SPA17: variants seen among roughly 807,000 people sequenced by gnomAD.
The protein encoded by SPA17 is sperm autoantigenic protein 17, also known as sperm surface protein Sp17.
In SPA17, 7 loss-of-function variants were observed where a neutral mutation model predicts 13.8. The observed-to-expected ratio is 0.51, with a 90% confidence interval of 0.29 to 0.95. SPA17 has a LOEUF of 0.95. SPA17 is among the 40% of genes least tolerant of loss of function. The pLI is 0.08. For synonymous variants in SPA17, 61 were observed against 59.0 expected, an observed-to-expected ratio of 1.03 and a Z score of -0.16; for missense variants, 170 against 179.3, an observed-to-expected ratio of 0.95 and a Z score of 0.30.
At chr11:124,674,899 T>G (rs1943439503) in intron 1 of SPA17, 1 of 157,666 alleles carries the variant, frequency 6.3e-6, no homozygotes, top group Non-Finnish European at 1.4e-5. Flanking sequence ...TTTAACTTTT[T>G]AGCAATCATT....
intron 2 of SPA17, 149 bp downstream of exon 2, chr11:124,675,567 G>A: frequency 1.4e-6 from 1 of 739,450 alleles, no homozygotes. Context: ...GAAACAGTAT[G>A]TACCTCTTTG....
At chr11:124,679,673 C>T (rs1282237652) in intron 2 of SPA17, among the ~76,000 whole-genome samples, 4 of 152,082 alleles carry the variant, frequency 2.6e-5, no homozygotes, top group Non-Finnish European at 4.4e-5. Flanking sequence ...AATACCATTC[C>T]CAGGAATGAG....
chr11:124,683,249 A>T (rs1038067904), intron 3 of SPA17, among the ~76,000 whole-genome samples: 1 of 152,218 alleles, frequency 6.6e-6, no homozygotes, highest in Non-Finnish European at 1.5e-5. Flanking sequence ...CTAAACTTGG[A>T]AGCAAAAAAA....
rs1943659641 is a variant in SPA17, at chr11:124,695,180, T to C, written c.*734T>C. The C allele has an allele frequency of 6.6e-6, 1 of 152,270 alleles. No homozygotes were observed. Among genetic ancestry groups the C allele is most frequent in the Non-Finnish European group, 1.5e-5 (1 of 68,074 alleles). 9.4% of individuals were successfully genotyped at this position (152,270 alleles called of 1,614,324 possible). A position where few individuals can be genotyped will look rare whatever the true frequency, so the allele number is the denominator to read the frequency against. ...CCCACTGGTTTTCATTTATCATACA[T>C]GTATTCAATCATTTATTGAAAATGT... is the stretch of plus-strand genomic sequence containing the variant. On this transcript the variant is annotated 3_prime_UTR_variant, in exon 5 of 5. Coordinates refer to ENST00000227135, the MANE Select transcript of SPA17 (RefSeq NM_017425.4).
rs191029144 is a variant in SPA17, at chr11:124,675,337, C to G, written c.73C>G (p.Arg25Gly). Residue 25 changes from arginine (R) to glycine (G), a missense_variant, in exon 2 of 5, where the codon CGC becomes GGC. Arg to Gly is a moderately radical substitution (Grantham distance 125, BLOSUM62 -2). Coordinates refer to ENST00000227135, the MANE Select transcript of SPA17 (RefSeq NM_017425.4). ...TGGGAATCTTCTTGAAGGGCTGACA[C>G]GCGAGATTCTGAGAGAGCAACCGGA... ...GFGNLLEGLT[R>G]EILREQPDNI... 9 of 1,614,170 alleles carry G rather than the reference C, an allele frequency of 5.6e-6. No homozygotes were observed. In the South Asian group the frequency reaches 9.9e-5, roughly 18 times the overall value.
intron 4 of SPA17, 130 bp downstream of exon 4, chr11:124,691,912 A>C (rs1221659280): frequency 1.9e-6 from 1 of 513,292 alleles, no homozygotes; most frequent in Non-Finnish European, 3.3e-6. Flanking sequence ...CCAGATAATT[A>C]ACATCAGTGA....
intron 3 of SPA17, among the ~76,000 whole-genome samples, chr11:124,682,562 C>T (rs1943538560): frequency 6.6e-6 from 1 of 151,834 alleles, no homozygotes. Flanking sequence ...AAAACCCTAA[C>T]ATAAATTCTG....
At chr11:124,675,503 C>T in intron 2 of SPA17, 85 bp downstream of exon 2, 2 of 1,449,018 alleles carry the variant, frequency 1.4e-6, no homozygotes, top group Non-Finnish European at 1.9e-6. Context: ...CATCTCCATT[C>T]TGCAGAAAGC....
chr11:124,681,792 A>C (rs1356741849), intron 3 of SPA17, among the ~76,000 whole-genome samples: 1 of 152,134 alleles, frequency 6.6e-6, no homozygotes, highest in Non-Finnish European at 1.5e-5. Context: ...GGTGCTTAAA[A>C]GTTATGAATA....
Position 124,673,905 on chromosome 11 carries a change from A to C in SPA17, c.-75A>C. 3.3e-6 allele frequency: 2 copies of C among 610,468 alleles called. No homozygotes were observed. Among genetic ancestry groups the C allele is most frequent in the East Asian group, 2.8e-5 (1 of 35,686 alleles). 37.8% of individuals were successfully genotyped at this position (610,468 alleles called of 1,614,324 possible). A position where few individuals can be genotyped will look rare whatever the true frequency, so the allele number is the denominator to read the frequency against. ...TTAAAGAAAAAACGGTTACCCAGCAACTAGAAAAACAACCGGAACCGGCGG... is the reference window on the plus strand; with the variant it reads ...TTAAAGAAAAAACGGTTACCCAGCACCTAGAAAAACAACCGGAACCGGCGG... On this transcript the variant is annotated 5_prime_UTR_variant, in exon 1 of 5. Coordinates refer to ENST00000227135, the MANE Select transcript of SPA17 (RefSeq NM_017425.4).
intron 3 of SPA17, among the ~76,000 whole-genome samples, chr11:124,686,695 G>C (rs889641967): frequency 6.6e-6 from 1 of 151,616 alleles, no homozygotes; most frequent in Non-Finnish European, 1.5e-5. Context: ...CTGAATGTCT[G>C]TTGGATCAAA....
At chr11:124,688,640 T>C (rs922213168) in intron 3 of SPA17, among the ~76,000 whole-genome samples, 1 of 152,194 alleles carries the variant, frequency 6.6e-6, no homozygotes, top group Non-Finnish European at 1.5e-5. Flanking sequence ...ATTAATATCT[T>C]TAAAATGACC....
intron 4 of SPA17, 78 bp downstream of exon 4, chr11:124,691,860 G>T: frequency 2.4e-6 from 2 of 843,946 alleles, no homozygotes; most frequent in South Asian, 4.3e-5. Context: ...CTCCAAATAT[G>T]AATGTCTGTT....
At chr11:124,674,459 C>G (rs1565421476) in intron 1 of SPA17, 1 of 152,528 alleles carries the variant, frequency 6.6e-6, no homozygotes, top group South Asian at 2.1e-4. Context: ...CGCCTCTATT[C>G]CGCATTGACG....
intron 2 of SPA17, among the ~76,000 whole-genome samples, chr11:124,677,608 A>G (rs1334278936): frequency 1.3e-5 from 2 of 152,212 alleles, no homozygotes; most frequent in Admixed American, 6.5e-5. Context: ...TAATTGCTTC[A>G]AAAATTCGGA....
At position 124,675,294 on chromosome 11, in the gene SPA17, C is replaced by T; in HGVS notation, c.30C>T (p.Tyr10=). MSIPFSNTH[Y]RIPQGFGNLL... ...CGATTCCATTCTCCAACACCCACTA[C>T]CGAATTCCACAAGGATTTGGGAATC... Residue 10 remains tyrosine, a synonymous_variant, in exon 2 of 5, where the codon TAC becomes TAT. Transcript: ENST00000227135. The T allele has an allele frequency of 5.0e-6, 8 of 1,614,066 alleles. No homozygotes were observed. The highest frequency in any genetic ancestry group is 6.8e-6 in the Non-Finnish European group (8 of 1,179,994).
chr11:124,692,017 T>G (rs776974799), intron 4 of SPA17, among the ~76,000 whole-genome samples: 1 of 152,168 alleles, frequency 6.6e-6, no homozygotes, highest in Non-Finnish European at 1.5e-5. Context: ...AGATTGTTAA[T>G]GGATGGAAAA....
intron 3 of SPA17, among the ~76,000 whole-genome samples, chr11:124,682,983 A>G (rs1211408614): frequency 6.6e-6 from 1 of 152,152 alleles, no homozygotes; most frequent in Non-Finnish European, 1.5e-5. Context: ...AAACAGCAAG[A>G]TGAGAACATC....
intron 2 of SPA17, 25 bp downstream of exon 2, chr11:124,675,443 T>G (rs761641749): frequency 1.9e-6 from 3 of 1,600,130 alleles, no homozygotes; most frequent in Non-Finnish European, 2.6e-6. Context: ...ATTAGTCATT[T>G]TTTAAAATAA....
Sources: gnomAD v4.1 joint callset for allele counts (sites outside exome capture counted in the v4.1 genomes callset) on GRCh38, gnomAD v4.1.1 for gene constraint, MANE v1.5 for transcripts, NCBI Gene and HGNC (gene_info 2026-07-23, HGNC 2026-07-21) for gene names.